Variants in GRIA1 observed in about 807,000 individuals in gnomAD.
GRIA1 encodes glutamate ionotropic receptor AMPA type subunit 1, also known as glutamate receptor 1.
GRIA1 carries 31 observed loss-of-function variants against 99.2 expected under a neutral mutation model. The ratio of observed to expected loss-of-function variants is 0.31; its 90% CI spans 0.23 to 0.42. The LOEUF (loss-of-function observed/expected upper bound fraction) is 0.42. Ranked by LOEUF, GRIA1 falls within the 10% of genes least tolerant of loss-of-function variation. The probability of loss-of-function intolerance (pLI) is 1.00; values close to 1 mark genes in which losing one functional copy is unlikely to be tolerated. For synonymous variants in GRIA1, 438 were observed against 432.4 expected (o/e 1.01, Z -0.16); for missense variants, 782 against 1,157.5 (o/e 0.68, Z 4.71).
chr5:153,738,880 G>A (rs771215042), intron 11 of GRIA1, among the ~76,000 whole-genome samples: 5 of 151,566 alleles, frequency 3.3e-5, no homozygotes, highest in Non-Finnish European at 2.9e-5. Context: ...GCACCACCAC[G>A]TCCGGCTAAT....
chr5:153,810,468 C>T (rs1766739652), intron 15 of GRIA1, among the ~76,000 whole-genome samples: 1 of 152,230 alleles, frequency 6.6e-6, no homozygotes, highest in African/African-American at 2.4e-5. Flanking sequence ...AACAATATCA[C>T]ATCCTCAATT....
intron 11 of GRIA1, among the ~76,000 whole-genome samples, chr5:153,711,696 T>C (rs138580666): frequency 8.3e-4 from 126 of 152,298 alleles, no homozygotes; most frequent in African/African-American, 2.9e-3. Flanking sequence ...CAAGGCTCCA[T>C]TGCCTTCAAA....
intron 11 of GRIA1, among the ~76,000 whole-genome samples, chr5:153,745,291 C>CA (rs1554122652): frequency 0.16 from 19,774 of 126,582 alleles, 1,509 homozygotes; most frequent in South Asian, 0.33. Flanking sequence ...TTAGAAATTA[C>CA]AAAAAAAAAA....
At chr5:153,536,175 A>G (rs1037793091) in intron 2 of GRIA1, among the ~76,000 whole-genome samples, 6 of 152,114 alleles carry the variant, frequency 3.9e-5, no homozygotes, top group African/African-American at 1.4e-4. Flanking sequence ...TGTTCTAAAC[A>G]ATAGCCAGAT....
At chr5:153,734,895 G>A (rs1167448215) in intron 11 of GRIA1, among the ~76,000 whole-genome samples, 1 of 152,186 alleles carries the variant, frequency 6.6e-6, no homozygotes, top group Non-Finnish European at 1.5e-5. Flanking sequence ...AAAGTTTCCA[G>A]CCAGAGAGCA....
intron 6 of GRIA1, 145 bp downstream of exon 6, chr5:153,674,806 A>G: frequency 1.1e-6 from 1 of 889,728 alleles, no homozygotes; most frequent in Non-Finnish European, 1.7e-6. Context: ...ATTATTAGGT[A>G]CAAGGTGCAG....
chr5:153,698,210 G>GCTA, intron 9 of GRIA1, 56 bp downstream of exon 9: 1 of 962,088 alleles, frequency 1.0e-6, no homozygotes, highest in African/African-American at 1.6e-5. Flanking sequence ...GCCAGCACAA[G>GCTA]GGTTTTCCAC....
intron 2 of GRIA1, among the ~76,000 whole-genome samples, chr5:153,536,156 T>A (rs1363342515): frequency 2.0e-5 from 3 of 152,120 alleles, no homozygotes; most frequent in Non-Finnish European, 4.4e-5. Context: ...TGCCACAAAT[T>A]CTTGTCTGTG....
chr5:153,772,927 T>G (rs1763976321), intron 13 of GRIA1, among the ~76,000 whole-genome samples: 1 of 152,158 alleles, frequency 6.6e-6, no homozygotes, highest in Admixed American at 6.5e-5. Context: ...ACACATAACA[T>G]AATTTGTCCA....
intron 13 of GRIA1, among the ~76,000 whole-genome samples, chr5:153,779,482 G>A (rs1764493332): frequency 6.6e-6 from 1 of 152,172 alleles, no homozygotes; most frequent in Admixed American, 6.5e-5. Context: ...GCAGATCCAC[G>A]CTGCTTATTT....
At chr5:153,632,172 G>C (rs540250495) in intron 2 of GRIA1, among the ~76,000 whole-genome samples, 1 of 152,278 alleles carries the variant, frequency 6.6e-6, no homozygotes, top group South Asian at 2.1e-4. Flanking sequence ...GGGAAAGTGG[G>C]CAAGGTGGAG....
At chr5:153,574,972 G>T (rs56217746) in intron 2 of GRIA1, among the ~76,000 whole-genome samples, 55,464 of 151,922 alleles carry the variant, frequency 0.37, 12,718 homozygotes, top group Non-Finnish European at 0.52. Flanking sequence ...CACCCACAAA[G>T]AAAGAAATAG....
At chr5:153,602,180 C>T (rs539835093) in intron 2 of GRIA1, among the ~76,000 whole-genome samples, 1 of 152,280 alleles carries the variant, frequency 6.6e-6, no homozygotes, top group African/African-American at 2.4e-5. Context: ...CACATATACA[C>T]CATGGAATAC....
chr5:153,761,569 G>A (rs922346844), intron 11 of GRIA1, among the ~76,000 whole-genome samples: 4 of 152,098 alleles, frequency 2.6e-5, no homozygotes, highest in Non-Finnish European at 4.4e-5. Flanking sequence ...CCGCTGGTGG[G>A]AATATAAATA....
intron 7 of GRIA1, among the ~76,000 whole-genome samples, chr5:153,683,873 G>A (rs1278524969): frequency 6.6e-6 from 1 of 152,162 alleles, no homozygotes; most frequent in African/African-American, 2.4e-5. Flanking sequence ...GATAGTTTGA[G>A]CAAGGAACCT....
chr5:153,791,218 T>G (rs1765280160), intron 13 of GRIA1, among the ~76,000 whole-genome samples: 1 of 150,562 alleles, frequency 6.6e-6, no homozygotes, highest in African/African-American at 2.4e-5. Context: ...GAGGATTGCT[T>G]GAGGCCAGGA....
chr5:153,733,750 G>T (rs1761195899), intron 11 of GRIA1, among the ~76,000 whole-genome samples: 1 of 152,084 alleles, frequency 6.6e-6, no homozygotes, highest in African/African-American at 2.4e-5. Flanking sequence ...GTCATAAATT[G>T]TAACAACAGA....
chr5:153,608,108 G>A (rs35492970), intron 2 of GRIA1, among the ~76,000 whole-genome samples: 1 of 152,172 alleles, frequency 6.6e-6, no homozygotes, highest in South Asian at 2.1e-4. Context: ...TTCTTGTGAA[G>A]GGTCAGCTGT....
chr5:153,490,422 T>A (rs1240772892), upstream of GRIA1: 5 of 189,384 alleles, frequency 2.6e-5, no homozygotes, highest in African/African-American at 1.2e-4. Flanking sequence ...CACCTCCACC[T>A]TTCTGCACAC....
Sources: allele counts gnomAD v4.1 joint callset (sites outside exome capture counted in the v4.1 genomes callset), GRCh38; gene constraint gnomAD v4.1.1; transcripts MANE v1.5; gene names NCBI Gene and HGNC (gene_info 2026-07-23, HGNC 2026-07-21).